The following JAZF1 variants were observed in gnomAD, a reference collection of about 807,000 sequenced individuals.
The protein encoded by JAZF1 is juxtaposed with another zinc finger protein 1.
Under a neutral mutation model 26.4 loss-of-function variants are expected in JAZF1, and 8 were observed. The ratio of observed to expected loss-of-function variants is 0.30; its 90% CI spans 0.18 to 0.55. The LOEUF is 0.55. Ranked by LOEUF, JAZF1 falls within the 20% of genes least tolerant of loss-of-function variation. The pLI is 0.94. For missense variants in JAZF1, 199 were observed against 322.0 expected (o/e 0.62, Z 2.92); for synonymous variants, 126 against 122.3 (o/e 1.03, Z -0.20).
chr7:28,112,883 T>TGTATCAGCCTGCTGA (rs1243191005), intron 1 of JAZF1, among the ~76,000 whole-genome samples: 1 of 152,172 alleles, frequency 6.6e-6, no homozygotes, highest in East Asian at 1.9e-4. Context: ...AAACTTCCTC[T>TGTATCAGCCTGCTGA]TAAAAATGAT....
intron 2 of JAZF1, among the ~76,000 whole-genome samples, chr7:27,949,502 TC>T (rs1197662860): frequency 6.6e-6 from 1 of 152,206 alleles, no homozygotes; most frequent in Non-Finnish European, 1.5e-5. Flanking sequence ...CAAAGTGTGC[TC>T]TTGTGGTTAT....
Position 27,895,253 on chromosome 7 carries a change from G to A in JAZF1, c.352C>T (p.Pro118Ser). The change falls in exon 3 of 5, where the codon CCC becomes TCC. Residue 118 changes from proline to serine, a missense_variant. Around this residue, in one of 2 missense-constraint regions of JAZF1, gnomAD observed 137 missense variants for 184.8 expected, o/e 0.74. Coordinates refer to ENST00000283928, the MANE Select transcript of JAZF1 (RefSeq NM_175061.4). ...LTPPVTPPITPSSSFRSSTPT... is the reference protein window; with the variant it reads ...LTPPVTPPITSSSSFRSSTPT... Reference sequence around the variant, plus strand: ...GTGCTGCTGCGGAATGAAGAGGAGGGGGTGATGGGTGGGGTCACGGGGGGA... The same window carrying A: ...GTGCTGCTGCGGAATGAAGAGGAGGAGGTGATGGGTGGGGTCACGGGGGGA... 1.2e-6 allele frequency: 2 copies of A among 1,607,906 alleles called. No individual in the cohort carries two copies. The highest frequency in any genetic ancestry group is 1.3e-5 in the African/African-American group (1 of 74,830).
intron 1 of JAZF1, among the ~76,000 whole-genome samples, chr7:28,053,602 A>G (rs746352422): frequency 1.3e-5 from 2 of 152,238 alleles, no homozygotes; most frequent in Non-Finnish European, 2.9e-5. Context: ...AACAATAGAT[A>G]AAACAGTATT....
chr7:28,078,085 T>C (rs1341681814), intron 1 of JAZF1, among the ~76,000 whole-genome samples: 1 of 152,166 alleles, frequency 6.6e-6, no homozygotes, highest in Non-Finnish European at 1.5e-5. Context: ...TTTCACAAGA[T>C]GCTGTGTTAG....
chr7:28,004,657 T>C (rs1418473733), intron 1 of JAZF1, among the ~76,000 whole-genome samples: 2 of 152,190 alleles, frequency 1.3e-5, no homozygotes, highest in African/African-American at 4.8e-5. Flanking sequence ...AAATAATTTT[T>C]TTTTTTCTTT....
intron 1 of JAZF1, among the ~76,000 whole-genome samples, chr7:28,090,021 T>A (rs550226192): frequency 3.9e-5 from 6 of 152,212 alleles, no homozygotes; most frequent in Non-Finnish European, 8.8e-5. Flanking sequence ...CCCAAGAAGT[T>A]AACCACAGGT....
intron 2 of JAZF1, among the ~76,000 whole-genome samples, chr7:27,962,482 TA>T (rs983506300): frequency 6.6e-6 from 1 of 152,328 alleles, no homozygotes; most frequent in East Asian, 1.9e-4. Context: ...CTTGCTTTTC[TA>T]AAAACAGAAA....
intron 1 of JAZF1, among the ~76,000 whole-genome samples, chr7:28,089,527 C>T (rs975955984): frequency 2.6e-5 from 4 of 152,100 alleles, no homozygotes; most frequent in African/African-American, 7.2e-5. Flanking sequence ...CTGGTTAACG[C>T]GTAGAGAGGC....
chr7:27,979,348 C>T (rs1262675258), intron 2 of JAZF1, among the ~76,000 whole-genome samples: 5 of 130,574 alleles, frequency 3.8e-5, no homozygotes, highest in Admixed American at 8.8e-5. Flanking sequence ...AATTAACAGG[C>T]GTGGCCAGGT....
chr7:28,038,481 T>A (rs1783333324), intron 1 of JAZF1, among the ~76,000 whole-genome samples: 1 of 152,228 alleles, frequency 6.6e-6, no homozygotes, highest in African/African-American at 2.4e-5. Flanking sequence ...AATTTGTTGT[T>A]TTCTTTCAAG....
At chr7:28,064,035 C>A (rs1385118903) in intron 1 of JAZF1, among the ~76,000 whole-genome samples, 1 of 151,880 alleles carries the variant, frequency 6.6e-6, no homozygotes, top group Non-Finnish European at 1.5e-5. Context: ...CCAAAATATT[C>A]TAAAAGGTCA....
intron 2 of JAZF1, among the ~76,000 whole-genome samples, chr7:27,985,516 C>A (rs1427790184): frequency 1.3e-5 from 2 of 152,166 alleles, no homozygotes; most frequent in Non-Finnish European, 2.9e-5. Context: ...CTGAACTCTA[C>A]CAGAGGTACA....
chr7:27,831,869 A>G lies in JAZF1; in HGVS notation c.*931T>C, dbSNP rs1782709534. ...ATAAACATTAAATTGTTGGCAATAG[A>G]GAACTACAAAGTGCTTTAAAACTTC... On this transcript the variant is annotated 3_prime_UTR_variant, in exon 5 of 5. Coordinates refer to ENST00000283928, the MANE Select transcript of JAZF1 (RefSeq NM_175061.4). 9.1e-6 allele frequency: 2 copies of G among 218,654 alleles called. No individual in the cohort carries two copies. The highest frequency in any genetic ancestry group is 1.9e-4 in the South Asian group (1 of 5,400). The allele number at this position is 218,654 out of a possible 1,614,324, so 13.5% of individuals were successfully genotyped here.
At chr7:28,108,197 C>G (rs1458259370) in intron 1 of JAZF1, among the ~76,000 whole-genome samples, 2 of 152,240 alleles carry the variant, frequency 1.3e-5, no homozygotes, top group Non-Finnish European at 2.9e-5. Flanking sequence ...CTGCCAGGCA[C>G]TGGACTTGGC....
At chr7:28,177,928 T>C (rs1021091179) in intron 1 of JAZF1, among the ~76,000 whole-genome samples, 1 of 152,204 alleles carries the variant, frequency 6.6e-6, no homozygotes, top group Non-Finnish European at 1.5e-5. Context: ...GGGCTGCCTT[T>C]GATAGTAAAG....
At chr7:28,077,952 A>G (rs1352981478) in intron 1 of JAZF1, among the ~76,000 whole-genome samples, 4 of 152,184 alleles carry the variant, frequency 2.6e-5, no homozygotes, top group Admixed American at 6.5e-5. Flanking sequence ...AAGACCCACT[A>G]TGTAATCTAG....
chr7:27,834,402 G>T, intron 4 of JAZF1, among the ~76,000 whole-genome samples: 1 of 152,174 alleles, frequency 6.6e-6, no homozygotes, highest in Non-Finnish European at 1.5e-5. Context: ...GAACCCAGGG[G>T]TGCCAAGTAG....
Position 28,066,472 on chromosome 7 carries a change from G to A in JAZF1, c.116-74491C>T, listed in dbSNP as rs181382670. Among the ~76,000 whole-genome samples, 8 of 152,054 alleles carry A rather than the reference G, an allele frequency of 5.3e-5. No individual in the cohort carries two copies. The East Asian group carries it at 9.7e-4, about 18-fold the overall frequency. ...CAAAAAATTAGCCAGGTATGGTGGCGCATGCCTGTTATCCCAGCTACTTGG... is the reference window on the plus strand; with the variant it reads ...CAAAAAATTAGCCAGGTATGGTGGCACATGCCTGTTATCCCAGCTACTTGG... On this transcript the variant is annotated intron_variant, in intron 1 of 4. Coordinates refer to ENST00000283928, the MANE Select transcript of JAZF1 (RefSeq NM_175061.4).
chr7:27,932,911 TTG>T (rs1415010996), intron 2 of JAZF1, among the ~76,000 whole-genome samples: 4 of 152,240 alleles, frequency 2.6e-5, no homozygotes, highest in Non-Finnish European at 5.9e-5. Flanking sequence ...GTTTTTGATA[TTG>T]CGTATAAATA....
Sources: gnomAD v4.1 joint callset for allele counts (sites outside exome capture counted in the v4.1 genomes callset) on GRCh38, gnomAD v4.1.1 for gene constraint, gnomAD v4.1.1 regional missense constraint, MANE v1.5 for transcripts, NCBI Gene and HGNC (gene_info 2026-07-23, HGNC 2026-07-21) for gene names.